Variants in RBL1 observed in about 807,000 individuals in gnomAD.
RBL1 encodes retinoblastoma-like protein 1.
In RBL1, 82 loss-of-function variants were observed where a neutral mutation model predicts 123.0. The observed-to-expected ratio is 0.67, with a 90% CI of 0.56 to 0.80. The LOEUF is 0.80. RBL1 is among the 30% of genes least tolerant of loss of function. The probability of loss-of-function intolerance (pLI) is 0.00; values close to 1 mark genes in which losing one functional copy is unlikely to be tolerated. For missense variants in RBL1, 1,171 were observed against 1,299.6 expected, an observed-to-expected ratio of 0.90 and a Z score of 1.52; for synonymous variants, 405 against 441.3, an observed-to-expected ratio of 0.92 and a Z score of 1.03.
At chr20:37,061,729 A>G (rs2065097862) in intron 8 of RBL1, among the ~76,000 whole-genome samples, 1 of 152,210 alleles carries the variant, frequency 6.6e-6, no homozygotes, top group Non-Finnish European at 1.5e-5. Context: ...AGAAAAACAC[A>G]TAGTTTGTGT....
chr20:37,043,947 A>G (rs944096767), intron 13 of RBL1, 139 bp downstream of exon 13: 12 of 566,848 alleles, frequency 2.1e-5, no homozygotes, highest in Non-Finnish European at 3.1e-5. Flanking sequence ...ATGGCTGCAC[A>G]TATCTATTTA....
At chr20:37,073,756 T>C (rs144783683) in intron 2 of RBL1, among the ~76,000 whole-genome samples, 11 of 147,334 alleles carry the variant, frequency 7.5e-5, no homozygotes, top group African/African-American at 2.0e-4. Context: ...TGGCAGCATG[T>C]ACCTGTAGTC....
chr20:37,062,774 T>G (rs1326312327), intron 7 of RBL1, among the ~76,000 whole-genome samples: 1 of 149,858 alleles, frequency 6.7e-6, no homozygotes, highest in African/African-American at 2.5e-5. Flanking sequence ...GCTAACACGG[T>G]GAAACCCCAT....
At chr20:37,013,078 T>C (rs1389163560) in intron 19 of RBL1, among the ~76,000 whole-genome samples, 1 of 152,030 alleles carries the variant, frequency 6.6e-6, no homozygotes, top group Non-Finnish European at 1.5e-5. Context: ...CCACCCCGTC[T>C]GGGAGGTGTA....
chr20:37,064,152 T>TG, intron 7 of RBL1, among the ~76,000 whole-genome samples: 1 of 150,240 alleles, frequency 6.7e-6, no homozygotes, highest in African/African-American at 2.4e-5. Context: ...TTTTTTTTTT[T>TG]TTTTGAGATG....
chr20:37,030,580 C>T (rs904570108), intron 16 of RBL1, among the ~76,000 whole-genome samples: 3 of 151,934 alleles, frequency 2.0e-5, no homozygotes, highest in East Asian at 3.9e-4. Flanking sequence ...ACAGGCCCGG[C>T]GTGGTGGCTC....
intron 11 of RBL1, chr20:37,049,290 A>T: frequency 1.6e-6 from 1 of 611,322 alleles, no homozygotes; most frequent in Non-Finnish European, 2.9e-6. Context: ...AGGGAAAACC[A>T]TCACCCTCAA....
intron 6 of RBL1, among the ~76,000 whole-genome samples, chr20:37,066,350 C>T (rs1241711547): frequency 6.6e-6 from 1 of 152,202 alleles, no homozygotes; most frequent in African/African-American, 2.4e-5. Context: ...CATCATCCTA[C>T]TTTTAGTCAA....
chr20:37,034,481 G>C (rs985396751), intron 15 of RBL1, among the ~76,000 whole-genome samples: 1 of 151,870 alleles, frequency 6.6e-6, no homozygotes, highest in African/African-American at 2.4e-5. Flanking sequence ...TTTAAAAGTA[G>C]TTTGAGACCT....
In RBL1 at chr20:36,996,798, A is replaced by AT. The variant is rs73621688; in HGVS notation, c.*1960dup. The AT allele has an allele frequency of 2.6e-5, 4 of 152,234 alleles. No homozygotes were observed. The highest frequency in any genetic ancestry group is 4.4e-5 in the Non-Finnish European group (3 of 68,046). 9.4% of individuals were successfully genotyped at this position (152,234 alleles called of 1,614,324 possible). A position where few individuals can be genotyped will look rare whatever the true frequency, so the allele number is the denominator to read the frequency against. ...ATTTATATTTTGCACAATAATGAAG[A>AT]TAAAAATAACAATTATAGCAACATA... On this transcript the variant is annotated 3_prime_UTR_variant, in exon 22 of 22. Coordinates refer to ENST00000373664, the MANE Select transcript of RBL1 (RefSeq NM_002895.5).
chr20:37,020,504 C>T (rs1182618849), intron 18 of RBL1, among the ~76,000 whole-genome samples, 155 bp downstream of exon 18: 4 of 152,098 alleles, frequency 2.6e-5, no homozygotes, highest in African/African-American at 9.7e-5. Context: ...TTGAAACTGT[C>T]CTTCAATGAA....
chr20:37,037,046 A>C (rs2064627273), intron 14 of RBL1, among the ~76,000 whole-genome samples: 1 of 152,156 alleles, frequency 6.6e-6, no homozygotes, highest in Non-Finnish European at 1.5e-5. Flanking sequence ...AAATCTCCGT[A>C]ATTCTTGGGC....
intron 1 of RBL1, among the ~76,000 whole-genome samples, chr20:37,093,195 G>A (rs373952749): frequency 1.3e-5 from 2 of 152,098 alleles, no homozygotes; most frequent in Non-Finnish European, 2.9e-5. Context: ...AGACTAGAGA[G>A]GGGTAGGGAT....
chr20:37,038,769 ATTTTTGTG>A (rs890079281), intron 14 of RBL1, among the ~76,000 whole-genome samples: 1 of 150,596 alleles, frequency 6.6e-6, no homozygotes, highest in Non-Finnish European at 1.5e-5. Flanking sequence ...CACCCAGCTA[ATTTTTGTG>A]TTTTTGGTAG....
chr20:37,022,363 A>G (rs2064354458), intron 17 of RBL1, among the ~76,000 whole-genome samples: 2 of 152,116 alleles, frequency 1.3e-5, no homozygotes, highest in African/African-American at 2.4e-5. Context: ...GTCTTGCTCT[A>G]TTGCCCAGGC....
At chr20:37,003,911 T>C (rs1181583591) in intron 20 of RBL1, 45 bp from the exon 21 acceptor site, 2 of 1,517,424 alleles carry the variant, frequency 1.3e-6, no homozygotes, top group Non-Finnish European at 1.8e-6. Context: ...AAGTTTTTCT[T>C]TGTTTTTGAA....
At chr20:37,094,469 C>T (rs2146343488) in intron 1 of RBL1, among the ~76,000 whole-genome samples, 1 of 152,284 alleles carries the variant, frequency 6.6e-6, no homozygotes, top group African/African-American at 2.4e-5. Context: ...ACTTTTCCAA[C>T]TCTATGCCTT....
chr20:37,062,182 C>A lies in RBL1; in HGVS notation c.985G>T (p.Glu329Ter), dbSNP rs1568869488. The change falls in exon 8 of 22, where the codon GAA (glutamate) becomes TAA (stop). Residue 329 changes from glutamate to a stop codon, truncating the protein, a stop_gained. Coordinates refer to ENST00000373664, the MANE Select transcript of RBL1 (RefSeq NM_002895.5). LOFTEE classifies it high-confidence loss of function. ...RIFLGADAEEEIGTPRKFTRD... is the reference protein window; with the variant it reads ...RIFLGADAEE ...GTGAACTTTCGAGGTGTTCCAATTT[C>A]CTCTTCTGCGTCTGCTCCCAAAAAG... The A allele has an allele frequency of 6.2e-7, 1 of 1,614,182 alleles. No homozygotes were observed. Among genetic ancestry groups the A allele is most frequent in the Non-Finnish European group, 8.5e-7 (1 of 1,180,028 alleles).
chr20:37,008,684 A>G (rs1469475274), intron 19 of RBL1, among the ~76,000 whole-genome samples: 1 of 152,224 alleles, frequency 6.6e-6, no homozygotes, highest in African/African-American at 2.4e-5. Context: ...ACACTGGCCT[A>G]CAAACATTGA....
Sources: allele counts gnomAD v4.1 joint callset (sites outside exome capture counted in the v4.1 genomes callset), GRCh38; gene constraint gnomAD v4.1.1; transcripts MANE v1.5; gene names NCBI Gene and HGNC (gene_info 2026-07-23, HGNC 2026-07-21).